Variants in CYP26A1 observed in about 807,000 individuals in gnomAD.
CYP26A1 encodes the protein cytochrome P450 family 26 subfamily A member 1.
CYP26A1 carries 46 observed loss-of-function variants against 47.4 expected under a neutral mutation model. The ratio of observed to expected loss-of-function variants is 0.97; its 90% confidence interval spans 0.77 to 1.24. CYP26A1 has a LOEUF of 1.24. Ranked by LOEUF, CYP26A1 falls within the 50% of genes most tolerant of loss-of-function variation. The pLI, the probability that CYP26A1 is intolerant of heterozygous loss-of-function variation, is 0.00. For missense variants in CYP26A1, 680 were observed against 644.4 expected, an observed-to-expected ratio of 1.06 and a Z score of -0.60; for synonymous variants, 277 against 263.7, an observed-to-expected ratio of 1.05 and a Z score of -0.49.
intron 6 of CYP26A1, 60 bp downstream of exon 6, chr10:93,076,756 C>A: frequency 7.8e-7 from 1 of 1,284,416 alleles, no homozygotes; most frequent in South Asian, 1.3e-5. Flanking sequence ...CTCTTTCTTC[C>A]CTATGCTGTG....
Position 93,074,142 on chromosome 10 carries a change from G to T in CYP26A1, c.189+19G>T. 3 of 572,840 alleles carry T rather than the reference G, an allele frequency of 5.2e-6. No individual in the cohort carries two copies. Among genetic ancestry groups the T allele is most frequent in the South Asian group, 1.5e-5 (1 of 64,654 alleles). The allele number at this position is 572,840 out of a possible 1,614,324, so 35.5% of individuals were successfully genotyped here. ...ACTGCAGGTAAGGGAGGGTGGGGCG[G>T]GACAGGCTGCTTCCCCGGAGCCCGG... On this transcript the variant is annotated intron_variant, in intron 1 of 6. Transcript: ENST00000224356. The surrounding 1 kb of genome is among the most constrained non-coding windows in gnomAD (Gnocchi z 5.3).
At position 93,074,340 on chromosome 10, in the gene CYP26A1, A is replaced by G. The variant is rs140561960; in HGVS notation, c.222A>G (p.Lys74=). The part of the protein sequence containing the change: ...RRKFLQMKRR[K]YGFIYKTHLF... ...AGTTCCTGCAGATGAAGCGCAGGAAATACGGCTTCATCTACAAGACGCATC... is the reference window on the plus strand; with the variant it reads ...AGTTCCTGCAGATGAAGCGCAGGAAGTACGGCTTCATCTACAAGACGCATC... Residue 74 remains lysine (K), a synonymous_variant, in exon 2 of 7, where the codon AAA becomes AAG. Coordinates refer to ENST00000224356, the MANE Select transcript of CYP26A1 (RefSeq NM_000783.4). This position sits in a 1 kb window ranked among gnomAD's most constrained non-coding sequence, Gnocchi z 5.3. 1.2e-3 allele frequency: 1,955 copies of G among 1,610,060 alleles called. 22 individuals are homozygous for G. The African/African-American group carries it at 0.022, about 18-fold the overall frequency.
At position 93,075,300 on chromosome 10, in the gene CYP26A1, A is replaced by G. The variant is rs776046917; in HGVS notation, c.857A>G (p.Asp286Gly). ...EHSWERGERL[D>G]MQALKQSSTE... ...TCGTGGGAGAGGGGAGAGCGGCTGGACATGCAGGTGAGTAGCAGCTTCAGA... is the reference window on the plus strand; with the variant it reads ...TCGTGGGAGAGGGGAGAGCGGCTGGGCATGCAGGTGAGTAGCAGCTTCAGA... Residue 286 changes from aspartate (D) to glycine (G), a missense_variant, in exon 4 of 7, where the codon GAC (aspartate) becomes GGC (glycine). Transcript: ENST00000224356. The G allele has an allele frequency of 6.2e-6, 10 of 1,613,506 alleles. No homozygotes were observed. Among genetic ancestry groups the G allele is most frequent in the Non-Finnish European group, 8.5e-6 (10 of 1,179,734 alleles).
Position 93,077,428 on chromosome 10 carries a change from C to T in CYP26A1, c.*124C>T, listed in dbSNP as rs1846992624. 3 of 418,494 alleles carry T rather than the reference C, an allele frequency of 7.2e-6. No homozygotes were observed. The East Asian group carries it at 1.1e-4, about 15-fold the overall frequency. 25.9% of individuals were successfully genotyped at this position (418,494 alleles called of 1,614,324 possible). On this transcript the variant is annotated 3_prime_UTR_variant, in exon 7 of 7. Coordinates refer to ENST00000224356, the MANE Select transcript of CYP26A1 (RefSeq NM_000783.4). Reference sequence around the variant, plus strand: ...ATAATATTTATGTGTTTTGACTATACTACCACAATCTTTAAATATTAAAAT... The same window carrying T: ...ATAATATTTATGTGTTTTGACTATATTACCACAATCTTTAAATATTAAAAT...
chr10:93,074,828 T>C lies in CYP26A1; in HGVS notation c.464T>C (p.Val155Ala). Reference protein sequence around the residue: ...SREALECYVPVITEEVGSSLE... With the variant: ...SREALECYVPAITEEVGSSLE... The stretch of plus-strand genomic sequence containing the variant: ...GAGGCACTCGAATGCTACGTGCCGG[T>C]GATCACCGAGGAAGTGGGCAGCAGC... Residue 155 changes from valine to alanine, a missense_variant, in exon 3 of 7, where the codon GTG becomes GCG. Val to Ala is a moderately conservative substitution (Grantham distance 64). Transcript: ENST00000224356. The surrounding 1 kb of genome is among the most constrained non-coding windows in gnomAD (Gnocchi z 5.3). 1 of 1,611,120 alleles carries C rather than the reference T, an allele frequency of 6.2e-7. No homozygotes were observed. Among genetic ancestry groups the C allele is most frequent in the Non-Finnish European group, 8.5e-7 (1 of 1,179,916 alleles).
At position 93,074,962 on chromosome 10, in the gene CYP26A1, C is replaced by A. The variant is rs1846954518; in HGVS notation, c.598C>A (p.Leu200Met). Residue 200 changes from leucine to methionine, a missense_variant, in exon 3 of 7, where the codon CTG (leucine) becomes ATG (methionine). Leu to Met is a conservative substitution (Grantham distance 15). Coordinates refer to ENST00000224356, the MANE Select transcript of CYP26A1 (RefSeq NM_000783.4). This position sits in a 1 kb window ranked among gnomAD's most constrained non-coding sequence, Gnocchi z 5.3. Reference sequence around the variant, plus strand: ...CATCCTACTGGGCTGCGAACCCCAACTGGCGGGCGACGGGGACTCCGAGCA... The same window carrying A: ...CATCCTACTGGGCTGCGAACCCCAAATGGCGGGCGACGGGGACTCCGAGCA... The part of the protein sequence containing the change: ...MRILLGCEPQ[L>M]AGDGDSEQQL... 1 of 1,613,224 alleles carries A rather than the reference C, an allele frequency of 6.2e-7. No homozygotes were observed. Among genetic ancestry groups the A allele is most frequent in the Admixed American group, 1.7e-5 (1 of 60,034 alleles).
At chr10:93,073,844 G>T, upstream of CYP26A1, 1 of 613,082 alleles carries the variant, frequency 1.6e-6, no homozygotes, top group East Asian at 2.8e-5. Flanking sequence ...GGTAACGTGG[G>T]CAGCAACCTG....
intron 3 of CYP26A1, 34 bp from the exon 4 acceptor site, chr10:93,075,115 C>T: frequency 6.2e-7 from 1 of 1,610,726 alleles, no homozygotes; most frequent in Non-Finnish European, 8.5e-7. Flanking sequence ...GGGACCTGGG[C>T]GTCTGCTCAC....
Position 93,074,759 on chromosome 10 carries a change from G to GT in CYP26A1, c.415-19dup, listed in dbSNP as rs1474847759. The GT allele has an allele frequency of 1.9e-6, 3 of 1,585,010 alleles. No individual in the cohort carries two copies. In the African/African-American group the frequency reaches 4.0e-5, roughly 21 times the overall value. ...GGGGCGGATGGAGGCTTTTAACGCT[G>GT]TCCCCTCCTCGGGACTCAGGTGATT... is the stretch of plus-strand genomic sequence containing the variant. On this transcript the variant is annotated intron_variant, in intron 2 of 6. Transcript: ENST00000224356. This position sits in a 1 kb window ranked among gnomAD's most constrained non-coding sequence, Gnocchi z 5.3.
chr10:93,077,469 T>C lies in CYP26A1; in HGVS notation c.*165T>C, dbSNP rs1846992884. Reference sequence around the variant, plus strand: ...ATATTAAAATAATGAATTTGTATCATTTCCAAATAAAGTAAAATTTGAAGG... The same window carrying C: ...ATATTAAAATAATGAATTTGTATCACTTCCAAATAAAGTAAAATTTGAAGG... On this transcript the variant is annotated 3_prime_UTR_variant, in exon 7 of 7. Transcript: ENST00000224356. 1 of 395,778 alleles carries C rather than the reference T, an allele frequency of 2.5e-6. No individual in the cohort carries two copies. Among genetic ancestry groups the C allele is most frequent in the Non-Finnish European group, 4.4e-6 (1 of 228,350 alleles). The allele number at this position is 395,778 out of a possible 1,614,324, so 24.5% of individuals were successfully genotyped here. A position where few individuals can be genotyped will look rare whatever the true frequency, so the allele number is the denominator to read the frequency against.
rs751472112 is a variant in CYP26A1, at chr10:93,075,012, A to G, written c.648A>G (p.Glu216=). 6.2e-6 allele frequency: 10 copies of G among 1,612,952 alleles called. No individual in the cohort carries two copies. The South Asian group carries it at 1.1e-4, about 18-fold the overall frequency. ...AGCAGCTTGTGGAGGCCTTCGAGGA[A>G]ATGACCCGCAATCTCTTCTCGCTGC... The part of the protein sequence containing the change: ...SEQQLVEAFE[E]MTRNLFSLPI... Residue 216 remains glutamate (E), a synonymous_variant, in exon 3 of 7, where the codon GAA becomes GAG. Coordinates refer to ENST00000224356, the MANE Select transcript of CYP26A1 (RefSeq NM_000783.4).
Position 93,074,193 on chromosome 10 carries a change from C to G in CYP26A1, c.189+70C>G. 1 of 1,514,822 alleles carries G rather than the reference C, an allele frequency of 6.6e-7. No individual in the cohort carries two copies. Among genetic ancestry groups the G allele is most frequent in the East Asian group, 2.5e-5 (1 of 40,532 alleles). 93.8% of individuals were successfully genotyped at this position (1,514,822 alleles called of 1,614,324 possible). A position where few individuals can be genotyped will look rare whatever the true frequency, so the allele number is the denominator to read the frequency against. On this transcript the variant is annotated intron_variant, in intron 1 of 6. Transcript: ENST00000224356. The surrounding 1 kb of genome is among the most constrained non-coding windows in gnomAD (Gnocchi z 5.3). ...CGCGGCTCTGGGCTTCTGCTGAAGT[C>G]GGGGTAGGCGCCCCCGGGAGGCATG...
At position 93,075,277 on chromosome 10, in the gene CYP26A1, G is replaced by T. The variant is rs779220881; in HGVS notation, c.834G>T (p.Ser278=). ...KDALQLLIEH[S]WERGERLDMQ... Reference sequence around the variant, plus strand: ...CGCTGCAGCTGTTGATCGAGCACTCGTGGGAGAGGGGAGAGCGGCTGGACA... The same window carrying T: ...CGCTGCAGCTGTTGATCGAGCACTCTTGGGAGAGGGGAGAGCGGCTGGACA... Residue 278 remains serine (S), a synonymous_variant, in exon 4 of 7, where the codon TCG becomes TCT. Transcript: ENST00000224356. The T allele has an allele frequency of 8.7e-6, 14 of 1,613,980 alleles. No individual in the cohort carries two copies. The African/African-American group carries it at 1.5e-4, about 17-fold the overall frequency.
Position 93,073,905 on chromosome 10 carries a change from G to T in CYP26A1, c.-30G>T, listed in dbSNP as rs779474950. On this transcript the variant is annotated 5_prime_UTR_variant, in exon 1 of 7. Coordinates refer to ENST00000224356, the MANE Select transcript of CYP26A1 (RefSeq NM_000783.4). ...TGGGGTTTGAAGCGCTGGCGGCGGCGGCAGGTGGCGCGGGAGGTCGCGGCG... is the reference window on the plus strand; with the variant it reads ...TGGGGTTTGAAGCGCTGGCGGCGGCTGCAGGTGGCGCGGGAGGTCGCGGCG... The T allele has an allele frequency of 2.6e-6, 2 of 756,398 alleles. No homozygotes were observed. Among genetic ancestry groups the T allele is most frequent in the South Asian group, 3.0e-5 (2 of 67,166 alleles). 46.9% of individuals were successfully genotyped at this position (756,398 alleles called of 1,614,324 possible). A position where few individuals can be genotyped will look rare whatever the true frequency, so the allele number is the denominator to read the frequency against.
At position 93,073,984 on chromosome 10, in the gene CYP26A1, C is replaced by G; in HGVS notation, c.50C>G (p.Pro17Arg). 2 of 1,518,156 alleles carry G rather than the reference C, an allele frequency of 1.3e-6. No homozygotes were observed. The highest frequency in any genetic ancestry group is 1.4e-5 in the African/African-American group (1 of 73,206). The allele number at this position is 1,518,156 out of a possible 1,614,324, so 94.0% of individuals were successfully genotyped here. Residue 17 changes from proline to arginine, a missense_variant, in exon 1 of 7, where the codon CCG (proline) becomes CGG (arginine). Transcript: ENST00000224356. The part of the protein sequence containing the change: ...LASALCTFVL[P>R]LLLFLAAIKL... ...AGTGCGCTCTGCACCTTCGTGCTGC[C>G]GCTGCTGCTCTTCCTGGCTGCGATC...
rs1194986487 is a variant in CYP26A1 at position 93,074,462 on chromosome 10, C to A, written c.344C>A (p.Ser115Ter). The A allele has an allele frequency of 6.2e-7, 1 of 1,612,096 alleles. No individual in the cohort carries two copies. Among genetic ancestry groups the A allele is most frequent in the Non-Finnish European group, 8.5e-7 (1 of 1,178,984 alleles). Residue 115 changes from serine to a stop codon, truncating the protein, a stop_gained, in exon 2 of 7, where the codon TCG (serine) becomes TAG (stop). Transcript: ENST00000224356. LOFTEE classifies it high-confidence loss of function. The surrounding 1 kb of genome is among the most constrained non-coding windows in gnomAD (Gnocchi z 5.3). ...CTGGTGTCGGTCCACTGGCCAGCGT[C>A]GGTGCGCACCATTCTGGGATCTGGC... ...HRLVSVHWPA[S>*]VRTILGSGCL...
In CYP26A1 at chr10:93,075,197, C is replaced by G; in HGVS notation, c.754C>G (p.Arg252Gly). ...TCACGCGCGCATCGAGCAGAACATTCGCGCCAAGATCTGCGGGCTGCGGGC... is the reference window on the plus strand; with the variant it reads ...TCACGCGCGCATCGAGCAGAACATTGGCGCCAAGATCTGCGGGCTGCGGGC... ...LIHARIEQNIRAKICGLRASE... is the reference protein window; with the variant it reads ...LIHARIEQNIGAKICGLRASE... Residue 252 changes from arginine (R) to glycine (G), a missense_variant, in exon 4 of 7, where the codon CGC (arginine) becomes GGC (glycine). Transcript: ENST00000224356. 6.2e-7 allele frequency: 1 copy of G among 1,613,864 alleles called. No homozygotes were observed. Among genetic ancestry groups the G allele is most frequent in the Non-Finnish European group, 8.5e-7 (1 of 1,179,958 alleles).
chr10:93,073,730 G>C (rs1330198310), upstream of CYP26A1: 2 of 546,852 alleles, frequency 3.7e-6, no homozygotes, highest in South Asian at 2.3e-5. Flanking sequence ...GCCTCGGCGC[G>C]GAACAAACGG....
intron 4 of CYP26A1, 82 bp downstream of exon 4, chr10:93,075,389 G>C: frequency 7.4e-7 from 1 of 1,349,242 alleles, no homozygotes; most frequent in Non-Finnish European, 1.0e-6. Flanking sequence ...CCCAAAGCGC[G>C]CGCCTGGGGC....
Sources: gnomAD v4.1 joint callset for allele counts on GRCh38, gnomAD v4.1.1 for gene constraint, Gnocchi (gnomAD v3.1) non-coding constraint, MANE v1.5 for transcripts, NCBI Gene and HGNC (gene_info 2026-07-23, HGNC 2026-07-21) for gene names.